CA5A: variants seen among roughly 807,000 people sequenced by gnomAD.
The protein encoded by CA5A is carbonic anhydrase 5A, also known as carbonic anhydrase 5A, mitochondrial.
A neutral mutation model predicts 37.1 loss-of-function variants in CA5A; 28 were observed. The observed-to-expected ratio is 0.75, with a 90% CI of 0.56 to 1.03. The LOEUF (loss-of-function observed/expected upper bound fraction) is 1.03, where lower values mean the gene tolerates loss of function less well. Among genes scored for constraint, CA5A ranks in the 50% least tolerant of loss-of-function variants. CA5A has a pLI of 0.00. For synonymous variants in CA5A, 171 were observed against 158.4 expected, an observed-to-expected ratio of 1.08 and a Z score of -0.60; for missense variants, 444 against 399.9, an observed-to-expected ratio of 1.11 and a Z score of -0.94.
rs529545081 is a variant in CA5A, at chr16:87,912,427, C to T, written c.341-7523G>A. On this transcript the variant is annotated intron_variant, in intron 2 of 6. Coordinates refer to ENST00000649794, the MANE Select transcript of CA5A (RefSeq NM_001739.2). ...CACGATTCTCAAGGTGAGACCTGCA[C>T]GTAAAGACGTCGAAAGATAAATATG... is the stretch of plus-strand genomic sequence containing the variant. Among the ~76,000 whole-genome samples the T allele has an allele frequency of 3.3e-5, 5 of 152,298 alleles. No homozygotes were observed. The East Asian group carries it at 5.8e-4, about 18-fold the overall frequency.
intron 2 of CA5A, among the ~76,000 whole-genome samples, chr16:87,919,587 C>G (rs1289391186): frequency 6.6e-6 from 1 of 152,228 alleles, no homozygotes; most frequent in Non-Finnish European, 1.5e-5. Flanking sequence ...GGGGAGCACT[C>G]AGAGCCCTGG....
intron 1 of CA5A, 85 bp from the exon 2 acceptor site, chr16:87,927,030 G>A (rs1157016267): frequency 1.3e-5 from 12 of 958,576 alleles, no homozygotes; most frequent in African/African-American, 3.2e-5. Context: ...CCGGCCGCAC[G>A]AGACCCCTCA....
At chr16:87,895,316 C>A (rs1221705061) in intron 5 of CA5A, among the ~76,000 whole-genome samples, 2 of 152,094 alleles carry the variant, frequency 1.3e-5, no homozygotes, top group South Asian at 2.1e-4. Context: ...GAGGCCGAGG[C>A]GGATGGATCA....
intron 2 of CA5A, among the ~76,000 whole-genome samples, chr16:87,916,708 G>C (rs2056147905): frequency 6.6e-6 from 1 of 152,152 alleles, no homozygotes; most frequent in African/African-American, 2.4e-5. Flanking sequence ...TGGGAGCAGG[G>C]GTTTCACTGT....
In CA5A at chr16:87,927,405, T is replaced by A. The variant is rs138069361; in HGVS notation, c.143-460A>T. On this transcript the variant is annotated intron_variant, in intron 1 of 6. Transcript: ENST00000649794. ...CCCCACCTAGTGGTCCTGTGGAAAC[T>A]GGAGCTGCTTTGGAAGCCCAACTCT... 1.3e-3 allele frequency among the ~76,000 whole-genome samples: 204 copies of A among 152,296 alleles called. 2 individuals are homozygous for A. Among genetic ancestry groups the A allele is most frequent in the African/African-American group, 4.7e-3 (195 of 41,556 alleles).
At chr16:87,908,388 C>T (rs369943827) in intron 2 of CA5A, among the ~76,000 whole-genome samples, 18 of 152,272 alleles carry the variant, frequency 1.2e-4, no homozygotes, top group African/African-American at 2.4e-4. Flanking sequence ...GTGGTGATTG[C>T]GCATCGCACA....
chr16:87,908,828 CT>C (rs1471495649), intron 2 of CA5A, among the ~76,000 whole-genome samples: 1 of 151,840 alleles, frequency 6.6e-6, no homozygotes. Context: ...GCTTTTTCTT[CT>C]TTTTGAGACA....
chr16:87,897,565 T>C (rs1188036783), intron 5 of CA5A, among the ~76,000 whole-genome samples: 1 of 152,196 alleles, frequency 6.6e-6, no homozygotes, highest in Non-Finnish European at 1.5e-5. Flanking sequence ...GATGTGGTTT[T>C]GGTTACAGAC....
At position 87,911,099 on chromosome 16, in the gene CA5A, CAAAA is replaced by C. The variant is rs11314702; in HGVS notation, c.341-6199_341-6196del. 1.1e-4 allele frequency among the ~76,000 whole-genome samples: 11 copies of C among 96,518 alleles called. No homozygotes were observed. The highest frequency in any genetic ancestry group is 2.3e-4 in the Admixed American group (2 of 8,858). The allele number at this position is 96,518 out of a possible 152,430, so 63.3% of individuals were successfully genotyped here. A position where few individuals can be genotyped will look rare whatever the true frequency, so the allele number is the denominator to read the frequency against. On this transcript the variant is annotated intron_variant, in intron 2 of 6. Coordinates refer to ENST00000649794, the MANE Select transcript of CA5A (RefSeq NM_001739.2). The surrounding 1 kb of genome is among the most constrained non-coding windows in gnomAD (Gnocchi z 4.6). The stretch of plus-strand genomic sequence containing the variant: ...ACAATGTCAGGGTATTCTCCTTAAT[CAAAA>C]AAAAAAAAAAAAAAAAAGGCAAGCC...
chr16:87,901,091 A>G (rs756730191), intron 5 of CA5A, among the ~76,000 whole-genome samples: 8 of 152,158 alleles, frequency 5.3e-5, no homozygotes, highest in Non-Finnish European at 1.0e-4. Flanking sequence ...TTAGCTGGGT[A>G]TGGTGGCGCA....
chr16:87,918,881 G>A (rs572002995), intron 2 of CA5A, among the ~76,000 whole-genome samples: 16 of 152,330 alleles, frequency 1.1e-4, no homozygotes, highest in African/African-American at 2.6e-4. Flanking sequence ...CCGAGAACCT[G>A]GAAAAATGGG....
intron 5 of CA5A, among the ~76,000 whole-genome samples, chr16:87,900,212 G>A (rs919559496): frequency 6.6e-6 from 1 of 152,200 alleles, no homozygotes; most frequent in Non-Finnish European, 1.5e-5. Flanking sequence ...GGTGTGGGAG[G>A]TGGAGGCTGG....
At chr16:87,928,252 C>G (rs1208042535) in intron 1 of CA5A, among the ~76,000 whole-genome samples, 1 of 152,184 alleles carries the variant, frequency 6.6e-6, no homozygotes, top group Non-Finnish European at 1.5e-5. Flanking sequence ...CAGCCTTGAA[C>G]CCCTAGGCTG....
At chr16:87,919,725 G>C (rs559591668) in intron 2 of CA5A, among the ~76,000 whole-genome samples, 1 of 152,152 alleles carries the variant, frequency 6.6e-6, no homozygotes, top group Admixed American at 6.6e-5. Context: ...GTCTTAAGAC[G>C]GCTTACTGGA....
intron 5 of CA5A, among the ~76,000 whole-genome samples, chr16:87,901,586 T>C (rs547872645): frequency 6.6e-6 from 1 of 150,590 alleles, no homozygotes; most frequent in East Asian, 1.9e-4. Context: ...TTCTTTCTTT[T>C]CTTTTCTTTT....
intron 2 of CA5A, among the ~76,000 whole-genome samples, chr16:87,907,369 G>A (rs1203863890): frequency 6.6e-6 from 1 of 152,188 alleles, no homozygotes; most frequent in Admixed American, 6.5e-5. Flanking sequence ...CAGCCGACCA[G>A]CCCCAGCAGC....
chr16:87,890,507 G>A (rs1289844721), intron 6 of CA5A, among the ~76,000 whole-genome samples: 4 of 152,244 alleles, frequency 2.6e-5, no homozygotes, highest in Non-Finnish European at 2.9e-5. Flanking sequence ...TGCCGGGCGG[G>A]GGCGGGGCAT....
At chr16:87,908,731 T>G (rs958008532) in intron 2 of CA5A, among the ~76,000 whole-genome samples, 16 of 152,190 alleles carry the variant, frequency 1.1e-4, no homozygotes. Flanking sequence ...CCCAAGGGTT[T>G]CCAGCAGGGC....
intron 2 of CA5A, among the ~76,000 whole-genome samples, chr16:87,909,184 T>C (rs976388634): frequency 6.6e-5 from 10 of 152,166 alleles, no homozygotes; most frequent in Non-Finnish European, 1.2e-4. Flanking sequence ...CCCCCGCCTC[T>C]CTACTCACTG....
Sources: gnomAD v4.1 joint callset for allele counts (sites outside exome capture counted in the v4.1 genomes callset) on GRCh38, gnomAD v4.1.1 for gene constraint, Gnocchi (gnomAD v3.1) non-coding constraint, MANE v1.5 for transcripts, NCBI Gene and HGNC (gene_info 2026-07-23, HGNC 2026-07-21) for gene names.